Variants in SORCS3 observed in about 807,000 individuals in gnomAD.
SORCS3 encodes sortilin related VPS10 domain containing receptor 3.
SORCS3 carries 57 observed loss-of-function variants against 146.3 expected under a neutral mutation model. The observed-to-expected ratio is 0.39, with a 90% CI of 0.31 to 0.49. The LOEUF is 0.49. Among genes scored for constraint, SORCS3 ranks in the 20% least tolerant of loss-of-function variants. SORCS3 has a pLI of 0.92. For synonymous variants in SORCS3, 653 were observed against 618.5 expected (o/e 1.06, Z -0.83); for missense variants, 1,341 against 1,575.5 (o/e 0.85, Z 2.52).
chr10:104,685,810 T>C (rs929629270), intron 1 of SORCS3, among the ~76,000 whole-genome samples: 3 of 152,216 alleles, frequency 2.0e-5, no homozygotes, highest in Non-Finnish European at 2.9e-5. Flanking sequence ...ACCCTTTAAA[T>C]GTCATTGGTT....
chr10:104,849,279 G>T (rs532221449), intron 2 of SORCS3, among the ~76,000 whole-genome samples: 2 of 152,108 alleles, frequency 1.3e-5, no homozygotes, highest in South Asian at 4.2e-4. Context: ...AGGCGTGGTG[G>T]TGGGTGCCTG....
chr10:105,039,306 T>A (rs759300449), intron 4 of SORCS3, among the ~76,000 whole-genome samples: 2 of 152,098 alleles, frequency 1.3e-5, no homozygotes, highest in Non-Finnish European at 1.5e-5. Context: ...TTTCTGTTCA[T>A]CTCAATCAGC....
chr10:104,759,080 T>C (rs1043622682), intron 1 of SORCS3, among the ~76,000 whole-genome samples: 1 of 152,132 alleles, frequency 6.6e-6, no homozygotes, highest in Non-Finnish European at 1.5e-5. Flanking sequence ...CCTGATCCAG[T>C]AGGACTGATG....
At chr10:105,082,974 C>T (rs1238075758) in intron 5 of SORCS3, among the ~76,000 whole-genome samples, 3 of 152,064 alleles carry the variant, frequency 2.0e-5, no homozygotes, top group East Asian at 1.9e-4. Flanking sequence ...GTGATCTGCC[C>T]GCCTTGGCCT....
At chr10:104,801,221 CAA>C (rs1676907939) in intron 1 of SORCS3, among the ~76,000 whole-genome samples, 1 of 152,146 alleles carries the variant, frequency 6.6e-6, no homozygotes, top group East Asian at 1.9e-4. Flanking sequence ...ATGGGGGAAT[CAA>C]GAGGGCCTAT....
intron 7 of SORCS3, among the ~76,000 whole-genome samples, chr10:105,111,844 A>G (rs1247198998): frequency 6.6e-6 from 1 of 152,196 alleles, no homozygotes; most frequent in African/African-American, 2.4e-5. Flanking sequence ...GGCTATGAGT[A>G]CGAATTAAGT....
intron 20 of SORCS3, among the ~76,000 whole-genome samples, chr10:105,237,321 T>C (rs1196084359): frequency 5.3e-5 from 8 of 152,154 alleles, no homozygotes. Context: ...GTCTGAGTAA[T>C]AACAGTAGTA....
chr10:105,102,769 T>A (rs2055794239), intron 6 of SORCS3, among the ~76,000 whole-genome samples: 1 of 149,418 alleles, frequency 6.7e-6, no homozygotes, highest in Admixed American at 6.7e-5. Flanking sequence ...ATATTTAAAT[T>A]ACCTCTCAAC....
chr10:104,810,000 G>A (rs539509734), intron 1 of SORCS3, among the ~76,000 whole-genome samples: 2 of 152,184 alleles, frequency 1.3e-5, no homozygotes, highest in African/African-American at 4.8e-5. Flanking sequence ...TGCATGAAAT[G>A]TGTCACCCAC....
intron 2 of SORCS3, among the ~76,000 whole-genome samples, chr10:104,845,130 C>A (rs772139929): frequency 5.3e-5 from 8 of 152,194 alleles, no homozygotes; most frequent in Non-Finnish European, 8.8e-5. Flanking sequence ...CACCTTACTT[C>A]CTTCCTCTCT....
At chr10:104,647,738 T>C (rs2015511762) in intron 1 of SORCS3, among the ~76,000 whole-genome samples, 1 of 152,210 alleles carries the variant, frequency 6.6e-6, no homozygotes, top group African/African-American at 2.4e-5. Context: ...GTTAACACTG[T>C]CTCTTAATAA....
At chr10:104,998,356 G>A (rs2055039635) in intron 4 of SORCS3, among the ~76,000 whole-genome samples, 1 of 152,124 alleles carries the variant, frequency 6.6e-6, no homozygotes, top group Admixed American at 6.6e-5. Flanking sequence ...CAGGTGTGCT[G>A]TGAGAATCAA....
chr10:104,763,850 G>C (rs1305069179), intron 1 of SORCS3, among the ~76,000 whole-genome samples: 1 of 152,106 alleles, frequency 6.6e-6, no homozygotes, highest in African/African-American at 2.4e-5. Context: ...CATGAAATCT[G>C]ATGGTTTCAT....
rs184816044 is a variant in SORCS3 at position 105,018,040 on chromosome 10, C to T, written c.955-25015C>T. On this transcript the variant is annotated intron_variant, in intron 4 of 26. Coordinates refer to ENST00000369701, the MANE Select transcript of SORCS3 (RefSeq NM_014978.3). ...AGTTGAAAATGACAGGATACCTCAA[C>T]TGAATTAGCCAAAGGTGAATTTATG... Among the ~76,000 whole-genome samples the T allele has an allele frequency of 3.9e-5, 6 of 152,282 alleles. No homozygotes were observed. In the East Asian group the frequency reaches 1.2e-3, roughly 29 times the overall value.
intron 3 of SORCS3, among the ~76,000 whole-genome samples, chr10:104,952,838 A>G (rs1466589682): frequency 3.3e-5 from 5 of 152,224 alleles, no homozygotes; most frequent in Non-Finnish European, 7.3e-5. Flanking sequence ...ATTGTTGCCC[A>G]TTAATTAGGA....
At chr10:104,970,857 T>C (rs193160833) in intron 3 of SORCS3, among the ~76,000 whole-genome samples, 151 of 147,186 alleles carry the variant, frequency 1.0e-3, no homozygotes, top group African/African-American at 3.6e-3. Context: ...CTGGGTAACA[T>C]TGAAAAAATC....
intron 2 of SORCS3, among the ~76,000 whole-genome samples, chr10:104,865,277 A>G (rs2018447243): frequency 6.6e-6 from 1 of 152,158 alleles, no homozygotes; most frequent in Non-Finnish European, 1.5e-5. Flanking sequence ...GCAGGAAGGC[A>G]GGCCGGAATC....
intron 9 of SORCS3, among the ~76,000 whole-genome samples, chr10:105,154,496 C>T (rs1413687856): frequency 6.6e-6 from 1 of 152,208 alleles, no homozygotes; most frequent in East Asian, 1.9e-4. Context: ...ACAGGCTAGA[C>T]ACCTTGTATT....
At chr10:105,240,664 G>A (rs1397425971) in intron 20 of SORCS3, among the ~76,000 whole-genome samples, 1 of 152,066 alleles carries the variant, frequency 6.6e-6, no homozygotes, top group Non-Finnish European at 1.5e-5. Flanking sequence ...TTTTAGCCCT[G>A]TGGGGGTATA....
Sources: gnomAD v4.1 joint callset for allele counts (sites outside exome capture counted in the v4.1 genomes callset) on GRCh38, gnomAD v4.1.1 for gene constraint, MANE v1.5 for transcripts, NCBI Gene and HGNC (gene_info 2026-07-23, HGNC 2026-07-21) for gene names.